THEMIS: variants seen among roughly 807,000 people sequenced by gnomAD.
THEMIS encodes protein THEMIS.
In THEMIS, 37 loss-of-function variants were observed where a neutral mutation model predicts 52.6. The ratio of observed to expected loss-of-function variants is 0.70; its 90% CI spans 0.54 to 0.93. The LOEUF is 0.93. Ranked by LOEUF, THEMIS falls within the 40% of genes least tolerant of loss-of-function variation. The probability of loss-of-function intolerance (pLI) is 0.00; values close to 1 mark genes in which losing one functional copy is unlikely to be tolerated. For missense variants in THEMIS, 808 were observed against 763.1 expected (o/e 1.06, Z -0.69); for synonymous variants, 292 against 272.7 (o/e 1.07, Z -0.70).
At chr6:127,873,081 T>A (rs1780204630) in intron 1 of THEMIS, among the ~76,000 whole-genome samples, 1 of 152,178 alleles carries the variant, frequency 6.6e-6, no homozygotes, top group Non-Finnish European at 1.5e-5. Context: ...ATCAGTGTAA[T>A]AGAACATGTA....
chr6:127,878,636 G>A (rs1428567110), intron 1 of THEMIS, among the ~76,000 whole-genome samples: 1 of 152,046 alleles, frequency 6.6e-6, no homozygotes, highest in Non-Finnish European at 1.5e-5. Flanking sequence ...GGTCAGTTGG[G>A]ACCAAAAGTC....
intron 4 of THEMIS, among the ~76,000 whole-genome samples, chr6:127,761,759 T>C (rs1487288622): frequency 6.8e-6 from 1 of 147,074 alleles, no homozygotes; most frequent in Non-Finnish European, 1.5e-5. Flanking sequence ...TGCTGCTATG[T>C]CTAGTGATCT....
chr6:127,910,467 T>C (rs1378711960), intron 1 of THEMIS, among the ~76,000 whole-genome samples: 1 of 152,180 alleles, frequency 6.6e-6, no homozygotes, highest in Non-Finnish European at 1.5e-5. Flanking sequence ...AGTAATTGAA[T>C]ATTTTTATCC....
chr6:127,797,797 G>C (rs1438359990), intron 4 of THEMIS, among the ~76,000 whole-genome samples: 2 of 152,174 alleles, frequency 1.3e-5, no homozygotes, highest in African/African-American at 4.8e-5. Flanking sequence ...TGAGGTGAAA[G>C]AAAAGCACTT....
intron 1 of THEMIS, among the ~76,000 whole-genome samples, chr6:127,913,965 G>T (rs1175445859): frequency 1.3e-5 from 2 of 151,958 alleles, no homozygotes; most frequent in African/African-American, 4.8e-5. Flanking sequence ...TGATATGCTT[G>T]GGACAAAAAA....
chr6:127,796,154 AT>A (rs1777324449), intron 4 of THEMIS, among the ~76,000 whole-genome samples: 1 of 152,346 alleles, frequency 6.6e-6, no homozygotes, highest in Middle Eastern at 3.4e-3. Flanking sequence ...GAGAATGAGC[AT>A]TTTAATGCAT....
At chr6:127,826,104 T>A (rs1440312832) in intron 3 of THEMIS, among the ~76,000 whole-genome samples, 1 of 152,252 alleles carries the variant, frequency 6.6e-6, no homozygotes, top group East Asian at 1.9e-4. Flanking sequence ...TTAAAGTTGA[T>A]GACTTGAAAA....
chr6:127,704,411 T>C (rs1221990704), downstream of THEMIS, among the ~76,000 whole-genome samples: 9 of 152,164 alleles, frequency 5.9e-5, no homozygotes, highest in Non-Finnish European at 1.0e-4. Flanking sequence ...TCTAGATATA[T>C]AGCTGATGGG....
At chr6:127,819,323 G>A (rs1190704007) in intron 3 of THEMIS, among the ~76,000 whole-genome samples, 1 of 151,796 alleles carries the variant, frequency 6.6e-6, no homozygotes, top group African/African-American at 2.4e-5. Flanking sequence ...TCCAAGAAAT[G>A]TAAGACAACT....
At position 127,727,716 on chromosome 6, in the gene THEMIS, A is replaced by G. The variant is rs545915241; in HGVS notation, c.1759-7893T>C. 2.2e-4 allele frequency among the ~76,000 whole-genome samples: 34 copies of G among 152,234 alleles called. 1 individual carries two copies. The South Asian group carries it at 7.1e-3, about 32-fold the overall frequency. On this transcript the variant is annotated intron_variant, in intron 4 of 5. Coordinates refer to ENST00000368248, the MANE Select transcript of THEMIS (RefSeq NM_001010923.3). ...CACTATTTCTTCAAGCCTTCAAATTACTGTATATAAATTATCAAATGGCAT... is the reference window on the plus strand; with the variant it reads ...CACTATTTCTTCAAGCCTTCAAATTGCTGTATATAAATTATCAAATGGCAT...
chr6:127,734,086 C>G (rs1361118424), intron 4 of THEMIS, among the ~76,000 whole-genome samples: 1 of 151,984 alleles, frequency 6.6e-6, no homozygotes, highest in Admixed American at 6.6e-5. Flanking sequence ...AAAACAAATA[C>G]AGTTTCTCCA....
chr6:127,793,990 G>A (rs567979269), intron 4 of THEMIS, among the ~76,000 whole-genome samples: 6 of 152,054 alleles, frequency 3.9e-5, no homozygotes, highest in South Asian at 4.2e-4. Context: ...AAAAAGCATC[G>A]TATTTAAAGC....
At chr6:127,716,776 A>G (rs1251987050) in intron 5 of THEMIS, among the ~76,000 whole-genome samples, 1 of 151,958 alleles carries the variant, frequency 6.6e-6, no homozygotes, top group Non-Finnish European at 1.5e-5. Flanking sequence ...AGCTGAATAA[A>G]CATTGAAGCC....
intron 4 of THEMIS, among the ~76,000 whole-genome samples, chr6:127,733,286 T>G (rs1348471534): frequency 6.6e-6 from 1 of 152,258 alleles, no homozygotes; most frequent in Non-Finnish European, 1.5e-5. Flanking sequence ...TAGCTTCCTC[T>G]GCTTTGTACC....
rs981962312 is a variant in THEMIS at position 127,777,593 on chromosome 6, C to T, written c.1758+35290G>A. 3.9e-5 allele frequency among the ~76,000 whole-genome samples: 6 copies of T among 152,080 alleles called. No homozygotes were observed. In the East Asian group the frequency reaches 1.2e-3, roughly 29 times the overall value. On this transcript the variant is annotated intron_variant, in intron 4 of 5. Transcript: ENST00000368248. Reference sequence around the variant, plus strand: ...GACAATTTTGGCTATCTGGGAATAGCATGCTAATTACTCTTTTAGACTATG... The same window carrying T: ...GACAATTTTGGCTATCTGGGAATAGTATGCTAATTACTCTTTTAGACTATG...
intron 5 of THEMIS, among the ~76,000 whole-genome samples, chr6:127,716,995 A>G (rs1047770805): frequency 1.3e-5 from 2 of 151,964 alleles, no homozygotes; most frequent in South Asian, 4.1e-4. Flanking sequence ...TCTCAAAGGC[A>G]AAAAATGCAG....
intron 4 of THEMIS, among the ~76,000 whole-genome samples, chr6:127,810,061 T>C (rs1317707433): frequency 2.0e-5 from 3 of 151,974 alleles, no homozygotes; most frequent in Admixed American, 1.3e-4. Flanking sequence ...ATCCTACATG[T>C]ACAGGTTTAG....
At chr6:127,917,246 A>G (rs1473078770) in intron 1 of THEMIS, among the ~76,000 whole-genome samples, 1 of 152,236 alleles carries the variant, frequency 6.6e-6, no homozygotes, top group Non-Finnish European at 1.5e-5. Flanking sequence ...GAAGTCAAGG[A>G]GAGCAGAATG....
At chr6:127,702,694 T>A in the THEMIS span, among the ~76,000 whole-genome samples, 1 of 151,980 alleles carries the variant, frequency 6.6e-6, no homozygotes, top group Admixed American at 6.6e-5. Context: ...TACCCGAGAC[T>A]GGGCAAGTTA....
Sources: gnomAD v4.1 joint callset for allele counts (sites outside exome capture counted in the v4.1 genomes callset) on GRCh38, gnomAD v4.1.1 for gene constraint, MANE v1.5 for transcripts, NCBI Gene and HGNC (gene_info 2026-07-23, HGNC 2026-07-21) for gene names.